SLC4A8: variants seen among roughly 807,000 people sequenced by gnomAD.
SLC4A8 encodes the protein electroneutral sodium bicarbonate exchanger 1.
Under a neutral mutation model 125.0 loss-of-function variants are expected in SLC4A8, and 40 were observed. That is an observed-to-expected ratio of 0.32 (90% CI 0.25 to 0.42). The LOEUF (loss-of-function observed/expected upper bound fraction) is 0.42. Ranked by LOEUF, SLC4A8 falls within the 10% of genes least tolerant of loss-of-function variation. The pLI is 1.00. For synonymous variants in SLC4A8, 456 were observed against 476.0 expected (o/e 0.96, Z 0.55); for missense variants, 863 against 1,355.1 (o/e 0.64, Z 5.70).
intron 1 of SLC4A8, among the ~76,000 whole-genome samples, chr12:51,437,395 G>A (rs958815932): frequency 5.3e-5 from 8 of 152,182 alleles, no homozygotes; most frequent in African/African-American, 1.9e-4. Context: ...GGTGGGAGAT[G>A]TTTGGGTCAT....
chr12:51,496,938 G>A lies in SLC4A8; in HGVS notation c.2944-49G>A. On this transcript the variant is annotated intron_variant, in intron 21 of 24. Coordinates refer to ENST00000453097, the MANE Select transcript of SLC4A8 (RefSeq NM_001039960.3). ...AATAAGGCTTTGCTTTTAAGTCCAG[G>A]AAGGAAATTAGTCCCTTTAATTCAC... The A allele has an allele frequency of 1.9e-6, 3 of 1,592,098 alleles. No homozygotes were observed. In the South Asian group the frequency reaches 3.4e-5, roughly 18 times the overall value.
At chr12:51,408,223 T>A (rs1948528735) in intron 1 of SLC4A8, among the ~76,000 whole-genome samples, 1 of 152,110 alleles carries the variant, frequency 6.6e-6, no homozygotes, top group Non-Finnish European at 1.5e-5. Context: ...ATTCAATCTA[T>A]AATGGGTTTT....
intron 1 of SLC4A8, among the ~76,000 whole-genome samples, chr12:51,395,618 G>T (rs1296359898): frequency 1.3e-5 from 2 of 152,292 alleles, no homozygotes; most frequent in South Asian, 2.1e-4. Flanking sequence ...CTGCCCTTCA[G>T]GGGGAGGTGC....
chr12:51,406,835 C>CA (rs1379918616), intron 1 of SLC4A8, among the ~76,000 whole-genome samples: 2 of 152,180 alleles, frequency 1.3e-5, no homozygotes, highest in East Asian at 3.9e-4. Context: ...GGGCTCATTG[C>CA]AGCAGGGGAC....
At chr12:51,453,814 C>A in intron 5 of SLC4A8, 115 bp downstream of exon 5, 32 of 782,834 alleles carry the variant, frequency 4.1e-5, no homozygotes, top group East Asian at 7.5e-5. Flanking sequence ...TTGGGCAAGC[C>A]ACAACCTTCC....
intron 19 of SLC4A8, among the ~76,000 whole-genome samples, chr12:51,493,006 A>C (rs932472965): frequency 6.6e-6 from 1 of 152,114 alleles, no homozygotes; most frequent in Admixed American, 6.5e-5. Flanking sequence ...ATTTGAGAAT[A>C]TTTATATAGT....
chr12:51,417,770 C>T (rs1355708014), intron 1 of SLC4A8, among the ~76,000 whole-genome samples: 2 of 152,216 alleles, frequency 1.3e-5, no homozygotes, highest in Non-Finnish European at 2.9e-5. Flanking sequence ...CCCACCTCAG[C>T]CTCCCAAAGT....
intron 16 of SLC4A8, among the ~76,000 whole-genome samples, chr12:51,484,251 G>T (rs1951105560): frequency 6.6e-6 from 1 of 152,180 alleles, no homozygotes; most frequent in Non-Finnish European, 1.5e-5. Context: ...TTCCTGCTAG[G>T]ACAAATAGTT....
intron 17 of SLC4A8, among the ~76,000 whole-genome samples, chr12:51,487,176 G>A (rs1289661065): frequency 2.6e-5 from 4 of 152,154 alleles, no homozygotes; most frequent in Non-Finnish European, 4.4e-5. Context: ...CAAAGAAAAT[G>A]TTGCTCATGA....
chr12:51,443,867 T>A (rs1949681962), intron 2 of SLC4A8, among the ~76,000 whole-genome samples: 1 of 152,140 alleles, frequency 6.6e-6, no homozygotes, highest in South Asian at 2.1e-4. Context: ...GTAGGCCCAA[T>A]CTCCATCTGC....
At chr12:51,450,850 T>A in intron 2 of SLC4A8, 26 bp from the exon 3 acceptor site, 1 of 1,612,776 alleles carries the variant, frequency 6.2e-7, no homozygotes. Flanking sequence ...AGGAGTTCTC[T>A]CCACAGACCT....
chr12:51,414,430 C>G (rs1948648673), intron 1 of SLC4A8, among the ~76,000 whole-genome samples: 2 of 152,130 alleles, frequency 1.3e-5, no homozygotes, highest in African/African-American at 4.8e-5. Context: ...TGCCTGATTG[C>G]TCTGGCTAGG....
chr12:51,483,373 AAAAG>A (rs1442696046), intron 16 of SLC4A8, among the ~76,000 whole-genome samples: 1 of 151,464 alleles, frequency 6.6e-6, no homozygotes, highest in African/African-American at 2.4e-5. Context: ...AAAAGAAAGA[AAAAG>A]AAAAGAAAGG....
At chr12:51,459,448 ATT>A (rs879807521) in intron 7 of SLC4A8, among the ~76,000 whole-genome samples, 1 of 146,378 alleles carries the variant, frequency 6.8e-6, no homozygotes, top group Non-Finnish European at 1.5e-5. Flanking sequence ...CAAATACTTC[ATT>A]TTTTTTTTTT....
At chr12:51,424,049 A>AAC (rs1565762078), upstream of SLC4A8, among the ~76,000 whole-genome samples, 10 of 51,890 alleles carry the variant, frequency 1.9e-4, 1 homozygote, top group Non-Finnish European at 3.8e-4. Flanking sequence ...AAAAAAAAAA[A>AAC]AAAACAAAAA....
intron 1 of SLC4A8, among the ~76,000 whole-genome samples, chr12:51,426,875 G>GGA (rs150265856): frequency 1.3e-5 from 2 of 151,436 alleles, no homozygotes; most frequent in African/African-American, 2.4e-5. Context: ...CTCCTAACCG[G>GGA]GAGAGAGAGA....
rs746353000 is a variant in SLC4A8, at chr12:51,461,213, T to C, written c.1023T>C (p.Phe341=). The C allele has an allele frequency of 1.3e-5, 21 of 1,604,744 alleles. No individual in the cohort carries two copies. The highest frequency in any genetic ancestry group is 2.6e-6 in the Non-Finnish European group (3 of 1,173,518). The stretch of plus-strand genomic sequence containing the variant: ...CTGTGTGTTTTGCCAGATTTTTGTT[T>C]ATCTTATTGGGTCCAGTAGGGAAAG... ...TEVPIPTRFL[F]ILLGPVGKGQ... The change falls in exon 9 of 25, where the codon TTT becomes TTC. Residue 341 remains phenylalanine (F), a synonymous_variant. Coordinates refer to ENST00000453097, the MANE Select transcript of SLC4A8 (RefSeq NM_001039960.3).
intron 5 of SLC4A8, 37 bp from the exon 6 acceptor site, chr12:51,457,314 C>T: frequency 6.3e-7 from 1 of 1,593,780 alleles, no homozygotes; most frequent in East Asian, 2.2e-5. Context: ...TTCATTAACC[C>T]TCAATCTGAG....
At chr12:51,435,695 A>G (rs1216281983) in intron 1 of SLC4A8, among the ~76,000 whole-genome samples, 8 of 152,294 alleles carry the variant, frequency 5.3e-5, no homozygotes, top group Admixed American at 6.5e-5. Flanking sequence ...GACATGGTCA[A>G]TCTGTTGTAG....
Sources: allele counts gnomAD v4.1 joint callset (sites outside exome capture counted in the v4.1 genomes callset), GRCh38; gene constraint gnomAD v4.1.1; transcripts MANE v1.5; gene names NCBI Gene and HGNC (gene_info 2026-07-23, HGNC 2026-07-21).